HDAC9: variants seen among roughly 807,000 people sequenced by gnomAD.
HDAC9 encodes the protein histone deacetylase 9, also known as MEF-2 interacting transcription repressor (MITR) protein.
A neutral mutation model predicts 139.4 loss-of-function variants in HDAC9; 41 were observed. The observed-to-expected ratio is 0.29, with a 90% CI of 0.23 to 0.38. HDAC9 has a LOEUF of 0.38. HDAC9 is among the 10% of genes least tolerant of loss of function. HDAC9 has a pLI of 1.00. For missense variants in HDAC9, 1,147 were observed against 1,297.0 expected (o/e 0.88, Z 1.78); for synonymous variants, 517 against 476.2 (o/e 1.09, Z -1.12).
intron 11 of HDAC9, among the ~76,000 whole-genome samples, chr7:18,652,700 T>A (rs1789695737): frequency 6.6e-6 from 1 of 152,168 alleles, no homozygotes; most frequent in East Asian, 1.9e-4. Flanking sequence ...TTAACTAGAA[T>A]ATTAATATCT....
chr7:18,350,102 T>C (rs1183233281), intron 1 of HDAC9, among the ~76,000 whole-genome samples: 1 of 152,152 alleles, frequency 6.6e-6, no homozygotes, highest in Non-Finnish European at 1.5e-5. Flanking sequence ...TTTGCCTTTA[T>C]TTCAAGTTGT....
chr7:18,515,808 A>G (rs62446980), intron 2 of HDAC9, among the ~76,000 whole-genome samples: 2,063 of 152,346 alleles, frequency 0.014, 21 homozygotes, highest in Non-Finnish European at 0.02. Flanking sequence ...AAGTGAATGA[A>G]TGAATGGATT....
intron 12 of HDAC9, among the ~76,000 whole-genome samples, chr7:18,711,198 A>G (rs1784319942): frequency 6.6e-6 from 1 of 152,212 alleles, no homozygotes; most frequent in Non-Finnish European, 1.5e-5. Context: ...GGAATTAAGT[A>G]ACTTATCTGT....
intron 21 of HDAC9, among the ~76,000 whole-genome samples, chr7:18,850,428 T>C (rs888754929): frequency 6.6e-6 from 1 of 152,130 alleles, no homozygotes; most frequent in Non-Finnish European, 1.5e-5. Flanking sequence ...AGGGGAGGAT[T>C]CTTCCCTGGA....
intron 6 of HDAC9, among the ~76,000 whole-genome samples, chr7:18,599,254 T>C (rs1340124839): frequency 6.6e-6 from 1 of 152,240 alleles, no homozygotes; most frequent in Non-Finnish European, 1.5e-5. Flanking sequence ...TTTAAATATC[T>C]TGCATCAATG....
At chr7:18,789,786 A>C (rs1470268931) in intron 16 of HDAC9, among the ~76,000 whole-genome samples, 2 of 152,070 alleles carry the variant, frequency 1.3e-5, no homozygotes, top group Admixed American at 1.3e-4. Flanking sequence ...AAAATATCTT[A>C]TTCTATGCAA....
At chr7:18,547,195 A>C (rs528046148) in intron 2 of HDAC9, among the ~76,000 whole-genome samples, 7 of 152,288 alleles carry the variant, frequency 4.6e-5, no homozygotes, top group African/African-American at 1.7e-4. Flanking sequence ...GCTGCTGACC[A>C]ATCAGGGTGG....
At chr7:18,685,098 C>T (rs1323767403) in intron 12 of HDAC9, among the ~76,000 whole-genome samples, 2 of 151,982 alleles carry the variant, frequency 1.3e-5, no homozygotes, top group Non-Finnish European at 2.9e-5. Flanking sequence ...TGTCCTCCAC[C>T]CTCACTGTGG....
intron 22 of HDAC9, 69 bp from the exon 23 acceptor site, chr7:18,935,740 A>T (rs1781587279): frequency 1.4e-6 from 2 of 1,401,026 alleles, no homozygotes; most frequent in East Asian, 2.3e-5. Flanking sequence ...ATACATGCTC[A>T]ATGTTAGATT....
At chr7:18,407,136 C>T (rs560923174) in intron 1 of HDAC9, among the ~76,000 whole-genome samples, 4 of 152,196 alleles carry the variant, frequency 2.6e-5, no homozygotes, top group East Asian at 3.9e-4. Flanking sequence ...AGGTCTGGTC[C>T]TTTTTTCTTT....
rs778874390 is a variant in HDAC9 at position 18,666,456 on chromosome 7, C to G, written c.1711C>G (p.Gln571Glu). 1 of 1,610,376 alleles carries G rather than the reference C, an allele frequency of 6.2e-7. No homozygotes were observed. Among genetic ancestry groups the G allele is most frequent in the Non-Finnish European group, 8.5e-7 (1 of 1,178,016 alleles). Residue 571 changes from glutamine (Q) to glutamate (E), a missense_variant, in exon 12 of 26, where the codon CAG becomes GAG. This residue lies in a region of HDAC9 where 256 missense variants were observed against 219.2 expected (regional missense o/e 1.17). Coordinates refer to ENST00000686413, the MANE Select transcript of HDAC9 (RefSeq NM_178425.4). Reference sequence around the variant, plus strand: ...GATCCAGGAAATGGAATCTGGGGAGCAGGCTGCTTTTATGCAACAGGTAAT... The same window carrying G: ...GATCCAGGAAATGGAATCTGGGGAGGAGGCTGCTTTTATGCAACAGGTAAT... ...AQIQEMESGE[Q>E]AAFMQQPFLE...
At position 18,593,980 on chromosome 7, in the gene HDAC9, A is replaced by T. The variant is rs759067781; in HGVS notation, c.615A>T (p.Thr205=). The T allele has an allele frequency of 1.4e-5, 23 of 1,612,862 alleles. No individual in the cohort carries two copies. The highest frequency in any genetic ancestry group is 1.9e-5 in the Non-Finnish European group (22 of 1,179,076). Residue 205 remains threonine, a synonymous_variant, in exon 6 of 26, where the codon ACA becomes ACT. Transcript: ENST00000686413. ...LSGTSPSYKY[T]LPGAQDAKDD... ...GAACATCTCCATCCTACAAGTACAC[A>T]TTACCAGGAGCACAAGATGCAAAGG...
At chr7:18,834,775 G>T (rs1796113377) in intron 19 of HDAC9, among the ~76,000 whole-genome samples, 1 of 151,986 alleles carries the variant, frequency 6.6e-6, no homozygotes, top group South Asian at 2.1e-4. Flanking sequence ...TTTTGCATCT[G>T]GCTTCTCTTT....
intron 1 of HDAC9, among the ~76,000 whole-genome samples, chr7:18,386,435 T>C (rs1224894510): frequency 6.6e-6 from 1 of 152,224 alleles, no homozygotes; most frequent in Non-Finnish European, 1.5e-5. Context: ...TATTTTGTAA[T>C]GTTATTTTGC....
At chr7:18,886,140 G>A (rs1800130756) in intron 22 of HDAC9, among the ~76,000 whole-genome samples, 1 of 152,082 alleles carries the variant, frequency 6.6e-6, no homozygotes, top group African/African-American at 2.4e-5. Context: ...TTATTCAAGT[G>A]AATGAGTGCT....
intron 2 of HDAC9, among the ~76,000 whole-genome samples, chr7:18,545,271 CTT>C (rs568910538): frequency 7.0e-6 from 1 of 142,560 alleles, no homozygotes; most frequent in African/African-American, 2.6e-5. Flanking sequence ...CATTAGCTTT[CTT>C]TTTTTTTTTT....
intron 1 of HDAC9, among the ~76,000 whole-genome samples, chr7:18,118,638 A>G (rs556015538): frequency 7.9e-4 from 120 of 152,352 alleles, no homozygotes; most frequent in Non-Finnish European, 1.2e-3. Flanking sequence ...TATGTACAGC[A>G]GACTATCAGA....
At chr7:18,851,579 A>G (rs1170613659) in intron 21 of HDAC9, 1 of 152,164 alleles carries the variant, frequency 6.6e-6, no homozygotes, top group Non-Finnish European at 1.5e-5. Context: ...CAGGTGCTCT[A>G]CGTTCGTATT....
chr7:18,321,386 C>A (rs1237088553), intron 1 of HDAC9, among the ~76,000 whole-genome samples: 1 of 152,084 alleles, frequency 6.6e-6, no homozygotes. Context: ...ATTCCATGTA[C>A]CACACAAGAG....
Sources: allele counts gnomAD v4.1 joint callset (sites outside exome capture counted in the v4.1 genomes callset), GRCh38; gene constraint gnomAD v4.1.1; regional missense constraint gnomAD v4.1.1; transcripts MANE v1.5; gene names NCBI Gene and HGNC (gene_info 2026-07-23, HGNC 2026-07-21).